The following ADAM33 variants were observed in gnomAD, a reference collection of about 807,000 sequenced individuals.
ADAM33 encodes ADAM metallopeptidase domain 33.
A neutral mutation model predicts 106.2 loss-of-function variants in ADAM33; 103 were observed. The ratio of observed to expected loss-of-function variants is 0.97; its 90% confidence interval spans 0.83 to 1.14. ADAM33 has a LOEUF of 1.14. ADAM33 is among the 50% of genes most tolerant of loss of function. ADAM33 has a pLI of 0.00. For synonymous variants in ADAM33, 483 were observed against 453.0 expected (o/e 1.07, Z -0.84); for missense variants, 1,120 against 1,096.6 (o/e 1.02, Z -0.30).
At position 3,669,281 on chromosome 20, in the gene ADAM33, A is replaced by C; in HGVS notation, c.2404+18T>G. On this transcript the variant is annotated intron_variant, in intron 21 of 21. Coordinates refer to ENST00000356518, the MANE Select transcript of ADAM33 (RefSeq NM_025220.5). ...GGGCGATGAGAGGGGGAGGCTTTGA[A>C]TCCAGGTCCCTGCCTACCTTGGGGG... is the stretch of plus-strand genomic sequence containing the variant. 1.9e-6 allele frequency: 3 copies of C among 1,572,678 alleles called. No homozygotes were observed. Among genetic ancestry groups the C allele is most frequent in the Non-Finnish European group, 2.6e-6 (3 of 1,166,100 alleles).
chr20:3,678,782 T>C (rs557801915), intron 2 of ADAM33, among the ~76,000 whole-genome samples: 2 of 152,268 alleles, frequency 1.3e-5, no homozygotes, highest in Non-Finnish European at 2.9e-5. Context: ...CCAAGCTCTC[T>C]GGGCTTCCGT....
In ADAM33 at chr20:3,671,797, G is replaced by A; in HGVS notation, c.1707-18C>T. The A allele has an allele frequency of 6.4e-7, 1 of 1,554,704 alleles. No homozygotes were observed. Among genetic ancestry groups the A allele is most frequent in the Non-Finnish European group, 8.7e-7 (1 of 1,148,914 alleles). On this transcript the variant is annotated intron_variant, in intron 15 of 21. Transcript: ENST00000356518. ...GGGCATCCCTGGGGAGGAAGTAGAG[G>A]GGGGTCAACAGCTGCAGTACCCCCC...
rs1424975479 is a variant in ADAM33, at chr20:3,672,286, C to A, written c.1445G>T (p.Cys482Phe). The A allele has an allele frequency of 3.7e-6, 6 of 1,613,198 alleles. 1 individual carries two copies. The South Asian group carries it at 6.6e-5, about 18-fold the overall frequency. The stretch of plus-strand genomic sequence containing the variant: ...GCCCGTGCAAAACTCAGGGAGGTCA[C>A]AGTCACCCATGGCCTGGCGGCACAG... ...GALCRQAMGDCDLPEFCTGTS... is the reference protein window; with the variant it reads ...GALCRQAMGDFDLPEFCTGTS... The change falls in exon 14 of 22, where the codon TGT (cysteine) becomes TTT (phenylalanine). Residue 482 changes from cysteine (C) to phenylalanine (F), a missense_variant. Physicochemically the swap from Cys to Phe is radical, Grantham distance 205. Coordinates refer to ENST00000356518, the MANE Select transcript of ADAM33 (RefSeq NM_025220.5).
Position 3,677,051 on chromosome 20 carries a change from C to A in ADAM33, c.254+16G>T. 2 of 1,612,044 alleles carry A rather than the reference C, an allele frequency of 1.2e-6. No individual in the cohort carries two copies. The highest frequency in any genetic ancestry group is 1.7e-6 in the Non-Finnish European group (2 of 1,179,602). On this transcript the variant is annotated intron_variant, in intron 3 of 21. Transcript: ENST00000356518. ...CTGATCCCCTCCTCCCAGCCCTACC[C>A]CAGCCTGGCACTCACTGGTTCTTCT...
At position 3,668,952 on chromosome 20, in the gene ADAM33, G is replaced by C; in HGVS notation, c.*11C>G. 6.2e-7 allele frequency: 1 copy of C among 1,613,750 alleles called. No homozygotes were observed. On this transcript the variant is annotated 3_prime_UTR_variant, in exon 22 of 22. Coordinates refer to ENST00000356518, the MANE Select transcript of ADAM33 (RefSeq NM_025220.5). ...CCTGTCTTTAAATCTGTTCATTTTAGGAGCTACCTCTCACCAGAGGCAGGA... is the reference window on the plus strand; with the variant it reads ...CCTGTCTTTAAATCTGTTCATTTTACGAGCTACCTCTCACCAGAGGCAGGA...
chr20:3,678,110 G>A (rs1234602381), intron 2 of ADAM33, among the ~76,000 whole-genome samples: 1 of 152,266 alleles, frequency 6.6e-6, no homozygotes, highest in Non-Finnish European at 1.5e-5. Context: ...AGCTCATGAG[G>A]CTGGAATGCC....
In ADAM33 at chr20:3,669,579, C is replaced by T; in HGVS notation, c.2299G>A (p.Gly767Ser). The T allele has an allele frequency of 6.2e-7, 1 of 1,601,574 alleles. No individual in the cohort carries two copies. The highest frequency in any genetic ancestry group is 2.3e-5 in the East Asian group (1 of 44,432). ...CAGGGCTGTCCAGTGGCTGTGGGGC[C>T]CAACTCCATGGGGTGAACGCCGCCC... Reference protein sequence around the residue: ...PLGGVHPMELGPTATGQPWPL... With the variant: ...PLGGVHPMELSPTATGQPWPL... The change falls in exon 20 of 22, where the codon GGC (glycine) becomes AGC (serine). Residue 767 changes from glycine (G) to serine (S), a missense_variant. Physicochemically the swap from Gly to Ser is moderately conservative, Grantham distance 56 (BLOSUM62 0). Transcript: ENST00000356518.
Position 3,671,133 on chromosome 20 carries a change from C to T in ADAM33, c.2113G>A (p.Ala705Thr). 6.2e-7 allele frequency: 1 copy of T among 1,611,254 alleles called. No individual in the cohort carries two copies. The highest frequency in any genetic ancestry group is 8.5e-7 in the Non-Finnish European group (1 of 1,178,886). ...GGCAGCAGGACGCTGAGGAGCATGGCCAGCAGGAAGGTGTCATGGTCTGCG... is the reference window on the plus strand; with the variant it reads ...GGCAGCAGGACGCTGAGGAGCATGGTCAGCAGGAAGGTGTCATGGTCTGCG... ...QAENHDTFLLAMLLSVLLPLL... is the reference protein window; with the variant it reads ...QAENHDTFLLTMLLSVLLPLL... Residue 705 changes from alanine to threonine, a missense_variant, in exon 19 of 22, where the codon GCC (alanine) becomes ACC (threonine). Coordinates refer to ENST00000356518, the MANE Select transcript of ADAM33 (RefSeq NM_025220.5).
chr20:3,676,700 A>G (rs778797727), intron 3 of ADAM33, among the ~76,000 whole-genome samples: 1 of 152,060 alleles, frequency 6.6e-6, no homozygotes, highest in Non-Finnish European at 1.5e-5. Flanking sequence ...CGGCCTCCCA[A>G]AGCCACCGCA....
chr20:3,671,747 C>T lies in ADAM33; in HGVS notation c.1739G>A (p.Gly580Asp). 1.3e-6 allele frequency: 2 copies of T among 1,575,962 alleles called. No homozygotes were observed. The highest frequency in any genetic ancestry group is 1.7e-6 in the Non-Finnish European group (2 of 1,160,428). Residue 580 changes from glycine to aspartate, a missense_variant, in exon 16 of 22, where the codon GGT becomes GAT. By Grantham distance (94) the Gly-to-Asp change is moderately conservative. Transcript: ENST00000356518. Reference sequence around the variant, plus strand: ...CGGTGCGAGCAGGCTGGGCTTTCCACCCTGGCACTGCAGCTTCCCACACAG... The same window carrying T: ...CGGTGCGAGCAGGCTGGGCTTTCCATCCTGGCACTGCAGCTTCCCACACAG... The part of the protein sequence containing the change: ...DALCGKLQCQ[G>D]GKPSLLAPHM...
Position 3,671,904 on chromosome 20 carries a change from TCG to T in ADAM33, c.1677_1678del (p.Ser559ArgfsTer75). ...CCCTGCACAGGGCAGGAAGTGGCCC[TCG>T]CTGTCCTGGCCGCAGTTTCCATGAG... On this transcript the variant is annotated frameshift_variant, in exon 15 of 22. Coordinates refer to ENST00000356518, the MANE Select transcript of ADAM33 (RefSeq NM_025220.5). LOFTEE classifies it high-confidence loss of function. The T allele has an allele frequency of 1.3e-6, 2 of 1,554,190 alleles. No individual in the cohort carries two copies. The highest frequency in any genetic ancestry group is 8.7e-7 in the Non-Finnish European group (1 of 1,148,338).
chr20:3,669,181 T>C, intron 21 of ADAM33, 118 bp downstream of exon 21: 1 of 1,176,426 alleles, frequency 8.5e-7, no homozygotes, highest in Non-Finnish European at 1.2e-6. Flanking sequence ...GGTCATAAAC[T>C]CATTTCCATA....
chr20:3,669,585 C>T lies in ADAM33; in HGVS notation c.2293G>A (p.Glu765Lys). ...TGTCCAGTGGCTGTGGGGCCCAACT[C>T]CATGGGGTGAACGCCGCCCAGGGGG... is the stretch of plus-strand genomic sequence containing the variant. ...DHPLGGVHPM[E>K]LGPTATGQPW... is the part of the protein sequence containing the mutation. The change falls in exon 20 of 22, where the codon GAG becomes AAG. Residue 765 changes from glutamate (E) to lysine (K), a missense_variant. By Grantham distance (56) the Glu-to-Lys change is moderately conservative. Transcript: ENST00000356518. 6.2e-7 allele frequency: 1 copy of T among 1,603,166 alleles called. No individual in the cohort carries two copies. The highest frequency in any genetic ancestry group is 8.5e-7 in the Non-Finnish European group (1 of 1,175,924).
rs2087619999 is a variant in ADAM33 at position 3,672,634 on chromosome 20, CAGAAAGGCA to C, written c.1312-17_1312-9del. On this transcript the variant is annotated splice_polypyrimidine_tract_variant and intron_variant, in intron 12 of 21. Coordinates refer to ENST00000356518, the MANE Select transcript of ADAM33 (RefSeq NM_025220.5). ...GCAGAGGTCGCGGCACTCCTGGGAC[CAGAAAGGCA>C]AGAAGGGCCCAGGTGAGGGCGCAGC... is the stretch of plus-strand genomic sequence containing the variant. The C allele has an allele frequency of 6.2e-7, 1 of 1,613,160 alleles. No homozygotes were observed. The highest frequency in any genetic ancestry group is 8.5e-7 in the Non-Finnish European group (1 of 1,179,832).
intron 3 of ADAM33, among the ~76,000 whole-genome samples, chr20:3,676,551 G>A (rs1025131844): frequency 9.9e-5 from 15 of 151,450 alleles, no homozygotes; most frequent in African/African-American, 3.2e-4. Context: ...CGATTCTCCC[G>A]TCTCAGCCCC....
At position 3,674,657 on chromosome 20, in the gene ADAM33, A is replaced by G. The variant is rs1249230062; in HGVS notation, c.447T>C (p.Tyr149=). ...LITLSRNASY[Y]LRPWPPRGSK... ...AGCCCCGGGGTGGCCAGGGACGCAG[A>G]TAATAGCTGGCATTCCTGCTGAGGG... The change falls in exon 6 of 22, where the codon TAT becomes TAC. Residue 149 remains tyrosine, a synonymous_variant. Coordinates refer to ENST00000356518, the MANE Select transcript of ADAM33 (RefSeq NM_025220.5). The G allele has an allele frequency of 5.0e-6, 8 of 1,611,488 alleles. No homozygotes were observed. Among genetic ancestry groups the G allele is most frequent in the African/African-American group, 1.3e-5 (1 of 74,716 alleles).
rs2146381207 is a variant in ADAM33 at position 3,672,636 on chromosome 20, G to A, written c.1312-10C>T. The stretch of plus-strand genomic sequence containing the variant: ...AGAGGTCGCGGCACTCCTGGGACCA[G>A]AAAGGCAAGAAGGGCCCAGGTGAGG... On this transcript the variant is annotated splice_polypyrimidine_tract_variant and intron_variant, in intron 12 of 21. Coordinates refer to ENST00000356518, the MANE Select transcript of ADAM33 (RefSeq NM_025220.5). The A allele has an allele frequency of 6.2e-7, 1 of 1,613,230 alleles. No individual in the cohort carries two copies. Among genetic ancestry groups the A allele is most frequent in the Non-Finnish European group, 8.5e-7 (1 of 1,179,814 alleles).
At position 3,671,741 on chromosome 20, in the gene ADAM33, T is replaced by C; in HGVS notation, c.1745A>G (p.Lys582Arg). The C allele has an allele frequency of 1.3e-6, 2 of 1,579,616 alleles. No homozygotes were observed. The highest frequency in any genetic ancestry group is 8.6e-7 in the Non-Finnish European group (1 of 1,162,428). ...CATGTGCGGTGCGAGCAGGCTGGGC[T>C]TTCCACCCTGGCACTGCAGCTTCCC... The part of the protein sequence containing the change: ...LCGKLQCQGG[K>R]PSLLAPHMVP... Residue 582 changes from lysine (K) to arginine (R), a missense_variant, in exon 16 of 22, where the codon AAG becomes AGG. Coordinates refer to ENST00000356518, the MANE Select transcript of ADAM33 (RefSeq NM_025220.5).
At chr20:3,672,409 G>A in intron 13 of ADAM33, 80 bp from the exon 14 acceptor site, 1 of 1,577,952 alleles carries the variant, frequency 6.3e-7, no homozygotes. Flanking sequence ...GCGGCTCGGA[G>A]CTGGGGGAGC....
Sources: gnomAD v4.1 joint callset for allele counts (sites outside exome capture counted in the v4.1 genomes callset) on GRCh38, gnomAD v4.1.1 for gene constraint, MANE v1.5 for transcripts, NCBI Gene and HGNC (gene_info 2026-07-23, HGNC 2026-07-21) for gene names.